The following TMED8 variants were observed in gnomAD, a reference collection of about 807,000 sequenced individuals.
The protein encoded by TMED8 is transmembrane p24 trafficking protein family member 8.
TMED8 carries 15 observed loss-of-function variants against 32.7 expected under a neutral mutation model. That is an observed-to-expected ratio of 0.46 (90% CI 0.31 to 0.71). The LOEUF (loss-of-function observed/expected upper bound fraction) is 0.71. TMED8 is among the 30% of genes least tolerant of loss of function. TMED8 has a pLI of 0.06. For missense variants in TMED8, 390 were observed against 423.9 expected, an observed-to-expected ratio of 0.92 and a Z score of 0.70; for synonymous variants, 147 against 161.4, an observed-to-expected ratio of 0.91 and a Z score of 0.68.
chr14:77,351,755 G>C lies in TMED8; in HGVS notation c.119-4C>G. 6.2e-7 allele frequency: 1 copy of C among 1,604,772 alleles called. No homozygotes were observed. The highest frequency in any genetic ancestry group is 8.5e-7 in the Non-Finnish European group (1 of 1,174,604). ...TTGTTTTCTAGATCTTCATTCTCTAGAAAACCATAGAAAGAAAGAATTCAA... is the reference window on the plus strand; with the variant it reads ...TTGTTTTCTAGATCTTCATTCTCTACAAAACCATAGAAAGAAAGAATTCAA... On this transcript the variant is annotated splice_polypyrimidine_tract_variant and splice_region_variant and intron_variant, in intron 1 of 5. Coordinates refer to ENST00000216468, the MANE Select transcript of TMED8 (RefSeq NM_213601.3).
intron 2 of TMED8, among the ~76,000 whole-genome samples, chr14:77,349,604 T>G (rs1893133833): frequency 6.6e-6 from 1 of 152,200 alleles, no homozygotes; most frequent in African/African-American, 2.4e-5. Flanking sequence ...TCTTCTTTAG[T>G]TAACTGAAGA....
intron 2 of TMED8, 36 bp from the exon 3 acceptor site, chr14:77,346,514 CTT>C (rs748371210): frequency 2.8e-5 from 45 of 1,611,954 alleles, no homozygotes; most frequent in Non-Finnish European, 3.5e-5. Context: ...TTCAAGGACT[CTT>C]TGAAAAGACT....
intron 1 of TMED8, among the ~76,000 whole-genome samples, chr14:77,358,946 G>A (rs1472609470): frequency 1.3e-5 from 2 of 151,958 alleles, no homozygotes; most frequent in African/African-American, 4.8e-5. Context: ...CTTGCTGTGT[G>A]ACCCAGGCTG....
At chr14:77,367,648 C>CA (rs1245522781) in intron 1 of TMED8, among the ~76,000 whole-genome samples, 1 of 151,242 alleles carries the variant, frequency 6.6e-6, no homozygotes, top group African/African-American at 2.4e-5. Context: ...AAATCTGCAT[C>CA]AAAAAATGCA....
rs538404249 is a variant in TMED8, at chr14:77,359,701, T to TA, written c.119-7951dup. 1.1e-5 allele frequency: 3 copies of TA among 275,312 alleles called. No individual in the cohort carries two copies. The Admixed American group carries it at 1.5e-4, about 14-fold the overall frequency. 17.1% of individuals were successfully genotyped at this position (275,312 alleles called of 1,614,324 possible). A position where few individuals can be genotyped will look rare whatever the true frequency, so the allele number is the denominator to read the frequency against. ...ACAGGTGGAGGCAAACCATGGTTGTTAGATGTCTGAGCTGCAAAGAAAAGA... is the reference window on the plus strand; with the variant it reads ...ACAGGTGGAGGCAAACCATGGTTGTTAAGATGTCTGAGCTGCAAAGAAAAGA... On this transcript the variant is annotated intron_variant, in intron 1 of 5. Transcript: ENST00000216468.
intron 1 of TMED8, among the ~76,000 whole-genome samples, chr14:77,361,043 C>A (rs1893423995): frequency 7.2e-6 from 1 of 139,274 alleles, no homozygotes; most frequent in African/African-American, 2.7e-5. Context: ...GTGACACAAT[C>A]TCGGCTCACT....
chr14:77,363,482 G>A (rs1360774913), intron 1 of TMED8, among the ~76,000 whole-genome samples: 1 of 152,106 alleles, frequency 6.6e-6, no homozygotes, highest in Non-Finnish European at 1.5e-5. Context: ...GAAGAATGTT[G>A]ATAGCAATAA....
chr14:77,367,275 A>C (rs1198796100), intron 1 of TMED8, among the ~76,000 whole-genome samples: 2 of 151,510 alleles, frequency 1.3e-5, no homozygotes, highest in Non-Finnish European at 2.9e-5. Context: ...AAACTTTTTA[A>C]ATCTTTTCTA....
intron 1 of TMED8, chr14:77,359,584 G>A: frequency 2.4e-6 from 1 of 409,888 alleles, no homozygotes; most frequent in Non-Finnish European, 4.8e-6. Context: ...CTGAAGAGTG[G>A]CTTTCTACTT....
intron 1 of TMED8, among the ~76,000 whole-genome samples, chr14:77,356,957 C>T (rs117242042): frequency 4.6e-5 from 7 of 152,236 alleles, no homozygotes; most frequent in South Asian, 2.1e-4. Context: ...TCCTATAAAC[C>T]GGTCATAGAT....
chr14:77,367,855 A>G (rs1283874199), intron 1 of TMED8, among the ~76,000 whole-genome samples: 1 of 152,054 alleles, frequency 6.6e-6, no homozygotes, highest in Non-Finnish European at 1.5e-5. Flanking sequence ...CACCACGCCC[A>G]ACTAATTTTT....
At chr14:77,369,351 A>G (rs906151777) in intron 1 of TMED8, among the ~76,000 whole-genome samples, 1 of 152,146 alleles carries the variant, frequency 6.6e-6, no homozygotes, top group Non-Finnish European at 1.5e-5. Flanking sequence ...TTCTATTTCT[A>G]TATGTATTTT....
intron 3 of TMED8, 111 bp downstream of exon 3, chr14:77,346,238 G>A: frequency 8.7e-7 from 1 of 1,149,280 alleles, no homozygotes; most frequent in Non-Finnish European, 1.2e-6. Context: ...AGAGGGCAAA[G>A]AGAGAATTCC....
At chr14:77,362,445 C>T (rs1893461281) in intron 1 of TMED8, among the ~76,000 whole-genome samples, 1 of 151,872 alleles carries the variant, frequency 6.6e-6, no homozygotes, top group South Asian at 2.1e-4. Flanking sequence ...CTACATAAGC[C>T]TCATGGTAAC....
chr14:77,343,966 C>A (rs1377824661), intron 3 of TMED8, 143 bp from the exon 4 acceptor site: 15 of 777,124 alleles, frequency 1.9e-5, no homozygotes, highest in Non-Finnish European at 2.4e-5. Flanking sequence ...TGTTCCTTCT[C>A]TTTCTTCCAA....
rs1224153748 is a variant in TMED8, at chr14:77,336,956, A to G, written c.*4815T>C. 1.3e-5 allele frequency: 2 copies of G among 152,184 alleles called. No individual in the cohort carries two copies. Among genetic ancestry groups the G allele is most frequent in the African/African-American group, 4.8e-5 (2 of 41,436 alleles). 9.4% of individuals were successfully genotyped at this position (152,184 alleles called of 1,614,324 possible). ...AAACTCATATTCCCTACAGATTAAG[A>G]CTTTTTATGATAATACCTAATTCTA... is the stretch of plus-strand genomic sequence containing the variant. On this transcript the variant is annotated 3_prime_UTR_variant, in exon 6 of 6. Transcript: ENST00000216468.
chr14:77,357,942 G>T (rs1416639748), intron 1 of TMED8, among the ~76,000 whole-genome samples: 3 of 151,998 alleles, frequency 2.0e-5, no homozygotes, highest in African/African-American at 7.2e-5. Flanking sequence ...TGGCCAACAT[G>T]GTGAAACCCC....
chr14:77,352,059 G>T (rs1352889484), intron 1 of TMED8, among the ~76,000 whole-genome samples: 1 of 152,096 alleles, frequency 6.6e-6, no homozygotes, highest in African/African-American at 2.4e-5. Context: ...CAACACTTTG[G>T]GAGGCCAAGG....
intron 1 of TMED8, among the ~76,000 whole-genome samples, chr14:77,372,460 TGTC>T (rs1266179422): frequency 6.6e-6 from 1 of 152,226 alleles, no homozygotes; most frequent in East Asian, 1.9e-4. Flanking sequence ...ATAATTAGCC[TGTC>T]ATTTTAGATT....
Sources: gnomAD v4.1 joint callset for allele counts (sites outside exome capture counted in the v4.1 genomes callset) on GRCh38, gnomAD v4.1.1 for gene constraint, MANE v1.5 for transcripts, NCBI Gene and HGNC (gene_info 2026-07-23, HGNC 2026-07-21) for gene names.